The following KLF17 variants were observed in gnomAD, a reference collection of about 807,000 sequenced individuals.
KLF17 encodes the protein KLF transcription factor 17.
A neutral mutation model predicts 34.2 loss-of-function variants in KLF17; 31 were observed. The ratio of observed to expected loss-of-function variants is 0.91; its 90% CI spans 0.68 to 1.22. KLF17 has a LOEUF of 1.22. Among genes scored for constraint, KLF17 ranks in the 50% most tolerant of loss-of-function variants. The probability of loss-of-function intolerance (pLI) is 0.00; values close to 1 mark genes in which losing one functional copy is unlikely to be tolerated. For synonymous variants in KLF17, 179 were observed against 186.7 expected (o/e 0.96, Z 0.34); for missense variants, 478 against 505.2 (o/e 0.95, Z 0.52).
At chr1:44,078,158 C>T in the KLF17 span, among the ~76,000 whole-genome samples, 3 of 152,306 alleles carry the variant, frequency 2.0e-5, no homozygotes, top group Middle Eastern at 3.4e-3. Flanking sequence ...GTCTTAATAA[C>T]ACTGAAACCA....
chr1:44,108,693 T>G, the KLF17 span, among the ~76,000 whole-genome samples: 4 of 105,966 alleles, frequency 3.8e-5, no homozygotes, highest in African/African-American at 1.4e-4. Flanking sequence ...TTGACAAAGT[T>G]TCCCTCGTGT....
chr1:44,069,595 C>T, the KLF17 span, among the ~76,000 whole-genome samples: 2 of 152,068 alleles, frequency 1.3e-5, no homozygotes, highest in Non-Finnish European at 2.9e-5. This position sits in a 1 kb window ranked among gnomAD's most constrained non-coding sequence, Gnocchi z 4.7. Context: ...AAGGACAGCA[C>T]GAAGCCATTC....
intron 2 of KLF17, 120 bp downstream of exon 2, chr1:44,130,316 T>C: frequency 1.4e-6 from 2 of 1,466,820 alleles, no homozygotes; most frequent in Non-Finnish European, 1.8e-6. Flanking sequence ...GGAACTAAGC[T>C]AGACTGGCCC....
the KLF17 span, chr1:44,076,791 A>C: frequency 6.6e-6 from 1 of 151,186 alleles, no homozygotes; most frequent in East Asian, 1.9e-4. Context: ...GTGATGTAAT[A>C]ATAGCTCACT....
the KLF17 span, among the ~76,000 whole-genome samples, chr1:44,098,185 A>G: frequency 1.3e-4 from 20 of 151,740 alleles, no homozygotes; most frequent in Admixed American, 3.9e-4. Flanking sequence ...TCATGGTTCA[A>G]TCTCGGTAGG....
chr1:44,083,501 G>C, the KLF17 span, among the ~76,000 whole-genome samples: 1 of 152,032 alleles, frequency 6.6e-6, no homozygotes, highest in African/African-American at 2.4e-5. Flanking sequence ...AAAAGCTCAT[G>C]AAATAGGCAC....
the KLF17 span, chr1:44,074,716 A>C: frequency 6.6e-6 from 1 of 152,374 alleles, no homozygotes; most frequent in East Asian, 1.9e-4. Context: ...GCTTTTACAA[A>C]TATTGGCATT....
At chr1:44,098,652 G>A in the KLF17 span, among the ~76,000 whole-genome samples, 4 of 147,720 alleles carry the variant, frequency 2.7e-5, no homozygotes, top group African/African-American at 5.0e-5. Context: ...CTGGGTTCAC[G>A]CCATTCTCCT....
the KLF17 span, among the ~76,000 whole-genome samples, chr1:44,077,074 G>C: frequency 3.3e-5 from 5 of 150,586 alleles, no homozygotes; most frequent in Non-Finnish European, 5.9e-5. Flanking sequence ...AAAAGAAAAA[G>C]TGGCTCACTC....
At chr1:44,044,301 C>T in the KLF17 span, among the ~76,000 whole-genome samples, 2 of 152,070 alleles carry the variant, frequency 1.3e-5, no homozygotes, top group Non-Finnish European at 2.9e-5. Flanking sequence ...TTGTAGCTGG[C>T]GTGGGGTTTT....
At chr1:44,054,671 C>T in the KLF17 span, among the ~76,000 whole-genome samples, 4 of 150,310 alleles carry the variant, frequency 2.7e-5, no homozygotes, top group Admixed American at 2.7e-4. Context: ...TTAATAGAGA[C>T]GGGGTTTCAC....
At chr1:44,099,418 A>C in the KLF17 span, among the ~76,000 whole-genome samples, 2 of 152,090 alleles carry the variant, frequency 1.3e-5, no homozygotes, top group African/African-American at 4.8e-5. Flanking sequence ...AAATAAATAA[A>C]TATTTTTAAA....
At chr1:44,099,961 G>T in the KLF17 span, among the ~76,000 whole-genome samples, 1 of 150,404 alleles carries the variant, frequency 6.6e-6, no homozygotes, top group Non-Finnish European at 1.5e-5. Flanking sequence ...ACTGGGCTGG[G>T]CACCGTTGCT....
At chr1:44,058,323 T>C in the KLF17 span, among the ~76,000 whole-genome samples, 1 of 152,198 alleles carries the variant, frequency 6.6e-6, no homozygotes, top group Non-Finnish European at 1.5e-5. Context: ...GGAGTCTTGC[T>C]GTGTTGCCCA....
chr1:44,078,585 G>A, the KLF17 span, among the ~76,000 whole-genome samples: 1 of 152,038 alleles, frequency 6.6e-6, no homozygotes, highest in Non-Finnish European at 1.5e-5. Context: ...CTATAGGTGC[G>A]TGCCAGTACG....
Position 44,129,880 on chromosome 1 carries a change from A to G in KLF17, c.609A>G (p.Ala203=), listed in dbSNP as rs1419038977. 2 of 1,614,208 alleles carry G rather than the reference A, an allele frequency of 1.2e-6. No individual in the cohort carries two copies. Among genetic ancestry groups the G allele is most frequent in the Admixed American group, 1.7e-5 (1 of 60,018 alleles). The part of the protein sequence containing the change: ...GPTVPSTEAQ[A]VLPSMAQMLP... ...CTGTGCCTTCCACTGAGGCCCAGGCAGTGCTCCCCTCCATGGCTCAGATGT... is the reference window on the plus strand; with the variant it reads ...CTGTGCCTTCCACTGAGGCCCAGGCGGTGCTCCCCTCCATGGCTCAGATGT... Residue 203 remains alanine, a synonymous_variant, in exon 2 of 4, where the codon GCA becomes GCG. Transcript: ENST00000372299.
the KLF17 span, among the ~76,000 whole-genome samples, chr1:44,090,306 C>CAAAAAAAAAAAAAAAAAAAAAAA: frequency 2.1e-4 from 5 of 23,416 alleles, 2 homozygotes; most frequent in African/African-American, 5.8e-4. Flanking sequence ...CTTGTCTCTA[C>CAAAAAAAAAAAAAAAAAAAAAAA]AAAAAAAAAA....
the KLF17 span, chr1:44,051,583 A>G: frequency 2.6e-5 from 4 of 151,562 alleles, no homozygotes; most frequent in African/African-American, 9.7e-5. Context: ...AAAGTCCCTC[A>G]TCATTTGGAT....
chr1:44,079,177 G>GTAC, the KLF17 span, among the ~76,000 whole-genome samples: 1 of 151,488 alleles, frequency 6.6e-6, no homozygotes, highest in East Asian at 1.9e-4. Context: ...CCTTTCCTTG[G>GTAC]TACTCTGCCT....
Sources: gnomAD v4.1 joint callset for allele counts (sites outside exome capture counted in the v4.1 genomes callset) on GRCh38, gnomAD v4.1.1 for gene constraint, Gnocchi (gnomAD v3.1) non-coding constraint, MANE v1.5 for transcripts, NCBI Gene and HGNC (gene_info 2026-07-23, HGNC 2026-07-21) for gene names.